Variants in RNF144B observed in about 807,000 individuals in gnomAD.
RNF144B encodes the protein E3 ubiquitin-protein ligase RNF144B.
Under a neutral mutation model 40.2 loss-of-function variants are expected in RNF144B, and 25 were observed. The ratio of observed to expected loss-of-function variants is 0.62; its 90% CI spans 0.45 to 0.87. The LOEUF (loss-of-function observed/expected upper bound fraction) is 0.87, where lower values mean the gene tolerates loss of function less well. Among genes scored for constraint, RNF144B ranks in the 40% least tolerant of loss-of-function variants. RNF144B has a pLI of 0.00. For missense variants in RNF144B, 365 were observed against 373.7 expected (o/e 0.98, Z 0.19); for synonymous variants, 145 against 136.3 (o/e 1.06, Z -0.44).
rs1205672505 is a variant in RNF144B, at chr6:18,457,888, G to C, written c.536+529G>C. Among the ~76,000 whole-genome samples, 1 of 152,068 alleles carries C rather than the reference G, an allele frequency of 6.6e-6. No individual in the cohort carries two copies. The highest frequency in any genetic ancestry group is 2.4e-5 in the African/African-American group (1 of 41,408). On this transcript the variant is annotated intron_variant, in intron 5 of 7. Transcript: ENST00000259939. This position sits in a 1 kb window ranked among gnomAD's most constrained non-coding sequence, Gnocchi z 5.1. ...GCTCTGTAAAGGTTGAGATTTTATC[G>C]TGATAGGAAGCAATTAAATCTGTAC...
At position 18,410,377 on chromosome 6, in the gene RNF144B, A is replaced by G. The variant is rs1246204655; in HGVS notation, c.165+10678A>G. Among the ~76,000 whole-genome samples the G allele has an allele frequency of 6.6e-6, 1 of 152,158 alleles. No individual in the cohort carries two copies. The highest frequency in any genetic ancestry group is 2.4e-5 in the African/African-American group (1 of 41,430). Reference sequence around the variant, plus strand: ...TATGTGGGCAGTAGACCCTCTGATAAAGGAAGTACAATATGTTATAAAGCA... The same window carrying G: ...TATGTGGGCAGTAGACCCTCTGATAGAGGAAGTACAATATGTTATAAAGCA... On this transcript the variant is annotated intron_variant, in intron 2 of 7. Coordinates refer to ENST00000259939, the MANE Select transcript of RNF144B (RefSeq NM_182757.4). This position sits in a 1 kb window ranked among gnomAD's most constrained non-coding sequence, Gnocchi z 4.6.
In RNF144B at chr6:18,459,762, C is replaced by G; in HGVS notation, c.681+11C>G. The G allele has an allele frequency of 6.2e-7, 1 of 1,613,036 alleles. No individual in the cohort carries two copies. Among genetic ancestry groups the G allele is most frequent in the Admixed American group, 1.7e-5 (1 of 60,010 alleles). Reference sequence around the variant, plus strand: ...CTCCAGAACTTGGATGTAAGTTCCACCTAGGTTTGTTGTATGGTGTTTCCT... The same window carrying G: ...CTCCAGAACTTGGATGTAAGTTCCAGCTAGGTTTGTTGTATGGTGTTTCCT... On this transcript the variant is annotated intron_variant, in intron 6 of 7. Transcript: ENST00000259939. The surrounding 1 kb of genome is among the most constrained non-coding windows in gnomAD (Gnocchi z 4.2).
rs771561727 is a variant in RNF144B at position 18,406,078 on chromosome 6, T to C, written c.165+6379T>C. ...ATTTATTCAACAAATATTTGCTGTG[T>C]CTTGCATAGTTCTGATGGTTTGAAT... On this transcript the variant is annotated intron_variant, in intron 2 of 7. Transcript: ENST00000259939. The surrounding 1 kb of genome is among the most constrained non-coding windows in gnomAD (Gnocchi z 4.2). The C allele has an allele frequency of 1.9e-6, 1 of 519,034 alleles. No homozygotes were observed. Among genetic ancestry groups the C allele is most frequent in the Non-Finnish European group, 3.8e-6 (1 of 259,862 alleles). 32.2% of individuals were successfully genotyped at this position (519,034 alleles called of 1,614,324 possible).
At chr6:18,413,980 C>T (rs1266215989) in intron 2 of RNF144B, among the ~76,000 whole-genome samples, 1 of 152,040 alleles carries the variant, frequency 6.6e-6, no homozygotes, top group East Asian at 1.9e-4. Context: ...AAAAAGCCCA[C>T]TCAATATGAA....
At chr6:18,415,347 C>A (rs923370744) in intron 2 of RNF144B, among the ~76,000 whole-genome samples, 2 of 152,126 alleles carry the variant, frequency 1.3e-5, no homozygotes, top group African/African-American at 4.8e-5. Flanking sequence ...CCAATATCAA[C>A]GTGCTGGCAG....
intron 2 of RNF144B, among the ~76,000 whole-genome samples, chr6:18,403,966 C>T (rs891563065): frequency 6.6e-6 from 1 of 152,186 alleles, no homozygotes; most frequent in Admixed American, 6.5e-5. Flanking sequence ...TCATTCTCGC[C>T]ACAGCAAGAA....
At chr6:18,453,375 T>C (rs1436103156) in intron 4 of RNF144B, among the ~76,000 whole-genome samples, 5 of 152,038 alleles carry the variant, frequency 3.3e-5, no homozygotes. Context: ...CTGCCTCAGG[T>C]GATCCACCCG....
chr6:18,396,696 C>T lies in RNF144B; in HGVS notation c.-36-2803C>T, dbSNP rs185298792. The T allele has an allele frequency of 1.2e-3, 1,153 of 985,308 alleles. 1 individual carries two copies. Among genetic ancestry groups the T allele is most frequent in the South Asian group, 2.7e-3 (57 of 21,288 alleles). 61.0% of individuals were successfully genotyped at this position (985,308 alleles called of 1,614,324 possible). A position where few individuals can be genotyped will look rare whatever the true frequency, so the allele number is the denominator to read the frequency against. ...ATAGATTGCATAAGCAGTGAAGCAG[C>T]GTTGAGAATGTACAGGTGAGAAGAC... On this transcript the variant is annotated intron_variant, in intron 1 of 7. Transcript: ENST00000259939.
chr6:18,452,420 A>G (rs553560778), intron 4 of RNF144B, among the ~76,000 whole-genome samples: 5 of 152,332 alleles, frequency 3.3e-5, no homozygotes, highest in African/African-American at 9.6e-5. Flanking sequence ...TTGAAGAAGA[A>G]AGGGAATTTT....
intron 1 of RNF144B, among the ~76,000 whole-genome samples, chr6:18,397,879 C>T (rs1794723682): frequency 6.6e-6 from 1 of 152,124 alleles, no homozygotes; most frequent in Non-Finnish European, 1.5e-5. Flanking sequence ...AGAACTTTGG[C>T]AGATTACCTA....
rs1554181696 is a variant in RNF144B at position 18,448,688 on chromosome 6, G to GCACATACACACA, written c.332-8463_332-8462insTACACACACACA. Among the ~76,000 whole-genome samples the GCACATACACACA allele has an allele frequency of 6.9e-6, 1 of 144,522 alleles. No individual in the cohort carries two copies. Among genetic ancestry groups the GCACATACACACA allele is most frequent in the Non-Finnish European group, 1.5e-5 (1 of 65,564 alleles). 94.8% of individuals were successfully genotyped at this position (144,522 alleles called of 152,430 possible). ...TCCATTTTATTTTGAAAGCCAGCATGCACACACACACACACACACACACAC... is the reference window on the plus strand; with the variant it reads ...TCCATTTTATTTTGAAAGCCAGCATGCACATACACACACACACACACACACACACACACACAC... On this transcript the variant is annotated intron_variant, in intron 4 of 7. Transcript: ENST00000259939. The surrounding 1 kb of genome is among the most constrained non-coding windows in gnomAD (Gnocchi z 4.0).
chr6:18,428,279 A>G (rs1314265030), intron 3 of RNF144B, among the ~76,000 whole-genome samples: 1 of 152,146 alleles, frequency 6.6e-6, no homozygotes, highest in African/African-American at 2.4e-5. Flanking sequence ...AGTCTTGGGT[A>G]TTTCTTCATA....
chr6:18,390,254 T>A (rs746051902), intron 1 of RNF144B, among the ~76,000 whole-genome samples: 1 of 152,262 alleles, frequency 6.6e-6, no homozygotes, highest in East Asian at 1.9e-4. Context: ...AGTTAATTTA[T>A]GTAAATATTT....
intron 1 of RNF144B, among the ~76,000 whole-genome samples, chr6:18,392,203 G>T (rs550077580): frequency 6.6e-6 from 1 of 151,712 alleles, no homozygotes; most frequent in Non-Finnish European, 1.5e-5. Flanking sequence ...GCGAGACTCC[G>T]TCTCAAAAAA....
In RNF144B at chr6:18,456,378, T is replaced by C. The variant is rs1337071991; in HGVS notation, c.332-777T>C. On this transcript the variant is annotated intron_variant, in intron 4 of 7. Transcript: ENST00000259939. The surrounding 1 kb of genome is among the most constrained non-coding windows in gnomAD (Gnocchi z 4.7). ...TTTTCTTCCTTGTTCTTTAATTTCC[T>C]GGGAATGTGGAAGAAACCTCACTAT... Among the ~76,000 whole-genome samples the C allele has an allele frequency of 6.6e-6, 1 of 152,244 alleles. No homozygotes were observed. The highest frequency in any genetic ancestry group is 1.5e-5 in the Non-Finnish European group (1 of 68,038).
rs899338371 is a variant in RNF144B, at chr6:18,416,965, A to T, written c.166-10616A>T. On this transcript the variant is annotated intron_variant, in intron 2 of 7. Coordinates refer to ENST00000259939, the MANE Select transcript of RNF144B (RefSeq NM_182757.4). This position sits in a 1 kb window ranked among gnomAD's most constrained non-coding sequence, Gnocchi z 5.5. Reference sequence around the variant, plus strand: ...AGAATCAATTGTATTTCCATATACTAGTAAGAAATAATATAATTGCATTAA... The same window carrying T: ...AGAATCAATTGTATTTCCATATACTTGTAAGAAATAATATAATTGCATTAA... Among the ~76,000 whole-genome samples the T allele has an allele frequency of 2.6e-5, 4 of 152,246 alleles. No homozygotes were observed. The highest frequency in any genetic ancestry group is 9.6e-5 in the African/African-American group (4 of 41,466).
chr6:18,418,236 T>A lies in RNF144B; in HGVS notation c.166-9345T>A, dbSNP rs1163856364. ...TACCATACCTACTCCTAGGTAAATATCCAAGAGAAACGAAAATGTATGTCC... is the reference window on the plus strand; with the variant it reads ...TACCATACCTACTCCTAGGTAAATAACCAAGAGAAACGAAAATGTATGTCC... On this transcript the variant is annotated intron_variant, in intron 2 of 7. Coordinates refer to ENST00000259939, the MANE Select transcript of RNF144B (RefSeq NM_182757.4). The surrounding 1 kb of genome is among the most constrained non-coding windows in gnomAD (Gnocchi z 5.2). Among the ~76,000 whole-genome samples the A allele has an allele frequency of 6.6e-6, 1 of 152,102 alleles. No homozygotes were observed. Among genetic ancestry groups the A allele is most frequent in the Non-Finnish European group, 1.5e-5 (1 of 68,020 alleles).
At chr6:18,440,715 G>T (rs1378770473) in intron 4 of RNF144B, among the ~76,000 whole-genome samples, 1 of 20,632 alleles carries the variant, frequency 4.8e-5, no homozygotes, top group Non-Finnish European at 1.8e-4. Flanking sequence ...GCTTGTTGGG[G>T]ATACATAGGT....
In RNF144B at chr6:18,458,679, G is replaced by T. The variant is rs185165214; in HGVS notation, c.537-928G>T. Among the ~76,000 whole-genome samples the T allele has an allele frequency of 6.6e-6, 1 of 152,274 alleles. No homozygotes were observed. Among genetic ancestry groups the T allele is most frequent in the Admixed American group, 6.5e-5 (1 of 15,292 alleles). ...GAAGCCACTCAGCCTCTGTGAGTCT[G>T]TTTCCCTATCTGAAAATAAGGGAAT... On this transcript the variant is annotated intron_variant, in intron 5 of 7. Transcript: ENST00000259939. The surrounding 1 kb of genome is among the most constrained non-coding windows in gnomAD (Gnocchi z 4.8).
Sources: gnomAD v4.1 joint callset for allele counts (sites outside exome capture counted in the v4.1 genomes callset) on GRCh38, gnomAD v4.1.1 for gene constraint, Gnocchi (gnomAD v3.1) non-coding constraint, MANE v1.5 for transcripts, NCBI Gene and HGNC (gene_info 2026-07-23, HGNC 2026-07-21) for gene names.